The following AHCYL2 variants were observed in gnomAD, a reference collection of about 807,000 sequenced individuals.
AHCYL2 encodes adenosylhomocysteinase like 2.
AHCYL2 carries 28 observed loss-of-function variants against 81.4 expected under a neutral mutation model. The observed-to-expected ratio is 0.34, with a 90% confidence interval of 0.25 to 0.47. The LOEUF (loss-of-function observed/expected upper bound fraction) is 0.47, where lower values mean the gene tolerates loss of function less well. Ranked by LOEUF, AHCYL2 falls within the 20% of genes least tolerant of loss-of-function variation. AHCYL2 has a pLI of 1.00. For synonymous variants in AHCYL2, 272 were observed against 290.2 expected (o/e 0.94, Z 0.64); for missense variants, 551 against 785.1 (o/e 0.70, Z 3.56).
rs1797468829 is a variant in AHCYL2, at chr7:129,428,920, A to G, written c.*1875A>G. Reference sequence around the variant, plus strand: ...AGCCATTCAGTTCTTCCTTTTGCCTACCTAGTCCTGATTTTTGTATTAATT... The same window carrying G: ...AGCCATTCAGTTCTTCCTTTTGCCTGCCTAGTCCTGATTTTTGTATTAATT... On this transcript the variant is annotated 3_prime_UTR_variant, in exon 17 of 17. Coordinates refer to ENST00000325006, the MANE Select transcript of AHCYL2 (RefSeq NM_015328.4). 1.3e-5 allele frequency: 2 copies of G among 152,138 alleles called. No individual in the cohort carries two copies. The highest frequency in any genetic ancestry group is 6.3e-3 in the Middle Eastern group (2 of 316). 9.4% of individuals were successfully genotyped at this position (152,138 alleles called of 1,614,324 possible).
At chr7:129,318,562 G>T (rs1797904028) in intron 1 of AHCYL2, among the ~76,000 whole-genome samples, 1 of 152,210 alleles carries the variant, frequency 6.6e-6, no homozygotes. Flanking sequence ...GGATTATTTA[G>T]TAAATGGTGT....
chr7:129,395,390 C>G (rs577500644), intron 4 of AHCYL2, among the ~76,000 whole-genome samples: 1 of 152,306 alleles, frequency 6.6e-6, no homozygotes, highest in East Asian at 1.9e-4. Context: ...GCAGGGTTTT[C>G]TCAATATTCC....
intron 1 of AHCYL2, among the ~76,000 whole-genome samples, chr7:129,229,920 T>C (rs1794359959): frequency 1.3e-5 from 2 of 152,282 alleles, no homozygotes; most frequent in African/African-American, 4.8e-5. Context: ...ATATACCCTT[T>C]CTTCCTGTTC....
intron 1 of AHCYL2, among the ~76,000 whole-genome samples, chr7:129,284,794 A>T (rs529221958): frequency 3.3e-5 from 5 of 152,306 alleles, no homozygotes; most frequent in African/African-American, 9.6e-5. Context: ...GGAAATGAAA[A>T]AACTAAAAAA....
At chr7:129,263,781 A>G (rs1316517935) in intron 1 of AHCYL2, among the ~76,000 whole-genome samples, 1 of 152,240 alleles carries the variant, frequency 6.6e-6, no homozygotes, top group Non-Finnish European at 1.5e-5. Flanking sequence ...CAGGAAGAAC[A>G]GTTAGTGCCT....
intron 1 of AHCYL2, among the ~76,000 whole-genome samples, chr7:129,307,168 C>T (rs1248218688): frequency 6.6e-6 from 1 of 152,140 alleles, no homozygotes; most frequent in Non-Finnish European, 1.5e-5. Context: ...GCCAGCTAGT[C>T]TTGTGCCTTT....
At chr7:129,286,719 C>G (rs1386078739) in intron 1 of AHCYL2, among the ~76,000 whole-genome samples, 1 of 152,122 alleles carries the variant, frequency 6.6e-6, no homozygotes, top group Non-Finnish European at 1.5e-5. Context: ...CCTTGGCCTC[C>G]CAGAGTGCTG....
chr7:129,381,513 A>C (rs889980287), intron 2 of AHCYL2, among the ~76,000 whole-genome samples: 14 of 152,172 alleles, frequency 9.2e-5, no homozygotes, highest in Non-Finnish European at 1.8e-4. Context: ...TTGTCTACCT[A>C]ATGTATCTGT....
In AHCYL2 at chr7:129,262,952, C is replaced by G. The variant is rs547268581; in HGVS notation, c.363+37513C>G. On this transcript the variant is annotated intron_variant, in intron 1 of 16. Coordinates refer to ENST00000325006, the MANE Select transcript of AHCYL2 (RefSeq NM_015328.4). ...TGGTTGGAATACGGAATAGGAGTCC[C>G]AAGAAATGAGGCTGGAGGTGGGACC... Among the ~76,000 whole-genome samples the G allele has an allele frequency of 3.3e-5, 5 of 152,084 alleles. No individual in the cohort carries two copies. The South Asian group carries it at 8.3e-4, about 25-fold the overall frequency.
At chr7:129,262,737 T>A (rs1293840562) in intron 1 of AHCYL2, among the ~76,000 whole-genome samples, 1 of 152,148 alleles carries the variant, frequency 6.6e-6, no homozygotes, top group Non-Finnish European at 1.5e-5. Context: ...GGCTGGGAAC[T>A]CAGATTTCAG....
chr7:129,227,457 CAAAA>C (rs58088647), intron 1 of AHCYL2, among the ~76,000 whole-genome samples: 4 of 70,224 alleles, frequency 5.7e-5, no homozygotes, highest in East Asian at 3.4e-4. Context: ...CCTCTCTCTC[CAAAA>C]AAAAAAAAAA....
intron 3 of AHCYL2, 75 bp downstream of exon 3, chr7:129,389,274 G>C (rs911419276): frequency 3.8e-6 from 6 of 1,565,534 alleles, no homozygotes; most frequent in Non-Finnish European, 5.2e-6. Context: ...TTTTATGTCT[G>C]GGGTCTGGTA....
rs972669834 is a variant in AHCYL2 at position 129,225,100 on chromosome 7, C to T, written c.24C>T (p.Ala8=). Residue 8 remains alanine (A), a synonymous_variant, in exon 1 of 17, where the codon GCC becomes GCT. Transcript: ENST00000325006. MSVQVVS[A]AAAAKVPEVE... is the part of the protein sequence containing the mutation. ...TGATGTCGGTGCAGGTTGTGTCAGC[C>T]GCGGCTGCCGCCAAGGTGCCTGAGG... 1.1e-5 allele frequency: 17 copies of T among 1,597,022 alleles called. No individual in the cohort carries two copies. The highest frequency in any genetic ancestry group is 1.2e-5 in the Non-Finnish European group (14 of 1,173,280).
At chr7:129,294,128 T>A (rs1308603547) in intron 1 of AHCYL2, among the ~76,000 whole-genome samples, 1 of 152,250 alleles carries the variant, frequency 6.6e-6, no homozygotes, top group Non-Finnish European at 1.5e-5. Flanking sequence ...CTAGCTGGCA[T>A]TTAAATATAT....
chr7:129,282,481 C>G (rs1322231512), intron 1 of AHCYL2, among the ~76,000 whole-genome samples: 1 of 152,080 alleles, frequency 6.6e-6, no homozygotes, highest in East Asian at 1.9e-4. Context: ...TATGTTTTGT[C>G]TGATCTGCCA....
At chr7:129,285,551 A>G (rs1291497159) in intron 1 of AHCYL2, among the ~76,000 whole-genome samples, 1 of 152,288 alleles carries the variant, frequency 6.6e-6, no homozygotes, top group Admixed American at 6.5e-5. Context: ...AAAGGTACAA[A>G]AAAAGGAACT....
chr7:129,331,504 G>C (rs1462338266), intron 1 of AHCYL2, among the ~76,000 whole-genome samples: 1 of 152,190 alleles, frequency 6.6e-6, no homozygotes. Flanking sequence ...TGCAACGTAT[G>C]TTGTTGAGTG....
At chr7:129,303,052 G>A (rs958111005) in intron 1 of AHCYL2, among the ~76,000 whole-genome samples, 1 of 152,172 alleles carries the variant, frequency 6.6e-6, no homozygotes, top group African/African-American at 2.4e-5. Flanking sequence ...CCAGGCTGGA[G>A]TGCAATGACG....
At chr7:129,403,897 GC>G (rs1284453205) in intron 7 of AHCYL2, among the ~76,000 whole-genome samples, 30 of 112,870 alleles carry the variant, frequency 2.7e-4, no homozygotes, top group Non-Finnish European at 4.9e-4. Flanking sequence ...AAAAATTGGA[GC>G]CTGCTATGAG....
Sources: gnomAD v4.1 joint callset for allele counts (sites outside exome capture counted in the v4.1 genomes callset) on GRCh38, gnomAD v4.1.1 for gene constraint, MANE v1.5 for transcripts, NCBI Gene and HGNC (gene_info 2026-07-23, HGNC 2026-07-21) for gene names.